RGS22: variants seen among roughly 807,000 people sequenced by gnomAD.
RGS22 encodes regulator of G-protein signaling 22.
RGS22 carries 148 observed loss-of-function variants against 172.9 expected under a neutral mutation model. The observed-to-expected ratio is 0.86, with a 90% CI of 0.75 to 0.98. The LOEUF is 0.98. Ranked by LOEUF, RGS22 falls within the 50% of genes least tolerant of loss-of-function variation. The probability of loss-of-function intolerance (pLI) is 0.00; values close to 1 mark genes in which losing one functional copy is unlikely to be tolerated. For synonymous variants in RGS22, 458 were observed against 480.2 expected (o/e 0.95, Z 0.60); for missense variants, 1,347 against 1,440.8 (o/e 0.93, Z 1.05).
At chr8:100,091,121 C>G (rs1227157078) in intron 3 of RGS22, among the ~76,000 whole-genome samples, 1 of 152,006 alleles carries the variant, frequency 6.6e-6, no homozygotes, top group Non-Finnish European at 1.5e-5. Flanking sequence ...CTAATCTGTT[C>G]TAGAATTTTG....
rs567320849 is a variant in RGS22, at chr8:100,071,800, A to AG, written c.426-264dup. 5.9e-5 allele frequency among the ~76,000 whole-genome samples: 9 copies of AG among 152,366 alleles called. No homozygotes were observed. In the South Asian group the frequency reaches 1.9e-3, roughly 32 times the overall value. The stretch of plus-strand genomic sequence containing the variant: ...ACATGTTAAAAGTCAGGGAACATAA[A>AG]GGAAAAACTTGGCTCTGGACTACGG... On this transcript the variant is annotated intron_variant, in intron 5 of 27. Coordinates refer to ENST00000360863, the MANE Select transcript of RGS22 (RefSeq NM_015668.5).
At chr8:100,082,813 C>A (rs1811861989) in intron 3 of RGS22, among the ~76,000 whole-genome samples, 1 of 152,142 alleles carries the variant, frequency 6.6e-6, no homozygotes, top group African/African-American at 2.4e-5. Context: ...GTGATTCAAA[C>A]AAAGCATTTT....
At chr8:100,047,439 T>TTA in intron 11 of RGS22, 24 bp downstream of exon 11, 1 of 1,572,028 alleles carries the variant, frequency 6.4e-7, no homozygotes, top group Non-Finnish European at 8.6e-7. Flanking sequence ...GAAAAGCACT[T>TTA]AACACACAAA....
At chr8:100,017,421 T>C (rs1031431602) in intron 14 of RGS22, among the ~76,000 whole-genome samples, 1 of 152,210 alleles carries the variant, frequency 6.6e-6, no homozygotes, top group Non-Finnish European at 1.5e-5. Flanking sequence ...CTCCCCAGGA[T>C]GGTAGGGACA....
chr8:100,001,219 T>TATATATACATATATAC (rs1402594104), intron 18 of RGS22, among the ~76,000 whole-genome samples: 22 of 132,964 alleles, frequency 1.7e-4, no homozygotes, highest in African/African-American at 6.2e-4. Context: ...TATATATATA[T>TATATATACATATATAC]ACATATATAT....
At chr8:99,984,673 A>C (rs569872098) in intron 21 of RGS22, among the ~76,000 whole-genome samples, 1 of 152,038 alleles carries the variant, frequency 6.6e-6, no homozygotes, top group Non-Finnish European at 1.5e-5. Context: ...CTGATACTAT[A>C]TGCTCTAACA....
At chr8:100,023,845 T>C (rs1461885738) in intron 14 of RGS22, 1 of 152,356 alleles carries the variant, frequency 6.6e-6, no homozygotes, top group African/African-American at 2.4e-5. Flanking sequence ...TATTACACAT[T>C]CATTTCCTAG....
intron 7 of RGS22, among the ~76,000 whole-genome samples, chr8:100,065,874 C>A (rs1393721846): frequency 6.6e-6 from 1 of 152,060 alleles, no homozygotes; most frequent in Non-Finnish European, 1.5e-5. Context: ...CATTTTCTAT[C>A]CATTTAGTAT....
At chr8:100,070,270 T>A (rs534133995) in intron 6 of RGS22, among the ~76,000 whole-genome samples, 10 of 152,242 alleles carry the variant, frequency 6.6e-5, no homozygotes, top group African/African-American at 2.4e-4. Context: ...GAATGTAAAA[T>A]TTTTATCAAT....
At position 100,083,413 on chromosome 8, in the gene RGS22, G is replaced by A. The variant is rs574065217; in HGVS notation, c.118-3058C>T. On this transcript the variant is annotated intron_variant, in intron 3 of 27. Coordinates refer to ENST00000360863, the MANE Select transcript of RGS22 (RefSeq NM_015668.5). ...AGACTGAGTCTTGCTCTGTCCTCAG[G>A]CTGGAGTGCAGTGGCGTGATCTCGG... 2.0e-5 allele frequency among the ~76,000 whole-genome samples: 3 copies of A among 152,282 alleles called. No individual in the cohort carries two copies. In the East Asian group the frequency reaches 5.8e-4, roughly 29 times the overall value.
At chr8:100,093,301 T>C (rs909640126) in intron 3 of RGS22, 146 bp downstream of exon 3, 47 of 528,896 alleles carry the variant, frequency 8.9e-5, no homozygotes, top group Admixed American at 6.0e-4. Context: ...TGATTAACTA[T>C]GTAAAAAGAT....
intron 3 of RGS22, among the ~76,000 whole-genome samples, chr8:100,081,045 A>T (rs1000228669): frequency 1.3e-5 from 2 of 152,182 alleles, no homozygotes; most frequent in East Asian, 3.8e-4. Flanking sequence ...CCACTTCCGT[A>T]AGAAGTAAAT....
chr8:99,982,650 C>T (rs1812670857), intron 21 of RGS22, among the ~76,000 whole-genome samples: 1 of 152,160 alleles, frequency 6.6e-6, no homozygotes, highest in South Asian at 2.1e-4. Context: ...TGCTTCTACG[C>T]CAAGGTGATT....
rs111577567 is a variant in RGS22 at position 100,068,912 on chromosome 8, G to C, written c.594+2457C>G. ...ATTGTACCACTGCACTCCAGCATGG[G>C]TGATAAAGTGAGACCCTGTCTCAAA... On this transcript the variant is annotated intron_variant, in intron 6 of 27. Transcript: ENST00000360863. Among the ~76,000 whole-genome samples, 893 of 150,556 alleles carry C rather than the reference G, an allele frequency of 5.9e-3. 11 individuals carry two copies. The highest frequency in any genetic ancestry group is 0.02 in the African/African-American group (818 of 40,848).
chr8:100,092,835 C>T (rs1377418799), intron 3 of RGS22, among the ~76,000 whole-genome samples: 2 of 152,220 alleles, frequency 1.3e-5, no homozygotes, highest in African/African-American at 4.8e-5. Context: ...TGGCATCAAT[C>T]TATGTTACAC....
chr8:100,058,836 T>G (rs1365273695), intron 9 of RGS22, among the ~76,000 whole-genome samples: 1 of 152,060 alleles, frequency 6.6e-6, no homozygotes, highest in Non-Finnish European at 1.5e-5. Flanking sequence ...AAATAGCAAG[T>G]AAACAGAAAA....
rs761164580 is a variant in RGS22, at chr8:99,996,514, A to G, written c.2966T>C (p.Ile989Thr). ...RQKIKVQMKD[I>T]AEELLLQKAE... ...CTTCTGTAGTAAGAGCTCTTCTGCT[A>G]TGTCTTTCATCTGTACCTGAAAGCA... Residue 989 changes from isoleucine (I) to threonine (T), a missense_variant, in exon 20 of 28, where the codon ATA becomes ACA. Ile to Thr is a moderately conservative substitution (Grantham distance 89). Coordinates refer to ENST00000360863, the MANE Select transcript of RGS22 (RefSeq NM_015668.5). 1.2e-6 allele frequency: 2 copies of G among 1,613,446 alleles called. No individual in the cohort carries two copies. Among genetic ancestry groups the G allele is most frequent in the Non-Finnish European group, 1.7e-6 (2 of 1,179,574 alleles).
chr8:100,081,530 G>T (rs537928964), intron 3 of RGS22, among the ~76,000 whole-genome samples: 1 of 152,026 alleles, frequency 6.6e-6, no homozygotes, highest in Non-Finnish European at 1.5e-5. Flanking sequence ...CTCCCAAAAT[G>T]ATAAGTATTG....
At chr8:100,089,934 T>C (rs1812447137) in intron 3 of RGS22, among the ~76,000 whole-genome samples, 1 of 152,164 alleles carries the variant, frequency 6.6e-6, no homozygotes, top group African/African-American at 2.4e-5. Flanking sequence ...ATGCATGACC[T>C]AATACTGGAA....
Sources: allele counts gnomAD v4.1 joint callset (sites outside exome capture counted in the v4.1 genomes callset), GRCh38; gene constraint gnomAD v4.1.1; transcripts MANE v1.5; gene names NCBI Gene and HGNC (gene_info 2026-07-23, HGNC 2026-07-21).